The following ATP8A2 variants were observed in gnomAD, a reference collection of about 807,000 sequenced individuals.
ATP8A2 encodes the protein phospholipid-transporting ATPase IB.
ATP8A2 carries 100 observed loss-of-function variants against 165.6 expected under a neutral mutation model. That is an observed-to-expected ratio of 0.60 (90% CI 0.51 to 0.71). The LOEUF (loss-of-function observed/expected upper bound fraction) is 0.71. Ranked by LOEUF, ATP8A2 falls within the 30% of genes least tolerant of loss-of-function variation. The pLI is 0.00. For missense variants in ATP8A2, 1,227 were observed against 1,479.5 expected (o/e 0.83, Z 2.80); for synonymous variants, 543 against 548.8 (o/e 0.99, Z 0.15).
intron 25 of ATP8A2, among the ~76,000 whole-genome samples, chr13:25,703,199 C>T (rs1429466208): frequency 6.6e-6 from 1 of 152,084 alleles, no homozygotes; most frequent in Non-Finnish European, 1.5e-5. Flanking sequence ...CCTGCCTCGG[C>T]CTCCCAAATA....
At chr13:25,522,536 T>C (rs539363355) in intron 2 of ATP8A2, among the ~76,000 whole-genome samples, 4 of 152,336 alleles carry the variant, frequency 2.6e-5, no homozygotes, top group Non-Finnish European at 4.4e-5. Flanking sequence ...ATGATGTTGA[T>C]TGTGGGTTTC....
chr13:25,727,313 G>A (rs1424433598), intron 25 of ATP8A2, among the ~76,000 whole-genome samples: 1 of 152,112 alleles, frequency 6.6e-6, no homozygotes, highest in African/African-American at 2.4e-5. Flanking sequence ...GAGTTTTTTG[G>A]GGTTGTTTGG....
In ATP8A2 at chr13:25,868,057, G is replaced by A. The variant is rs146270754; in HGVS notation, c.3183+5649G>A. ...AGTGAGAATTTCCTGTGTGCTGCCCGGCCTTGTGGGTAGCCCCGGCCAAGG... is the reference window on the plus strand; with the variant it reads ...AGTGAGAATTTCCTGTGTGCTGCCCAGCCTTGTGGGTAGCCCCGGCCAAGG... On this transcript the variant is annotated intron_variant, in intron 33 of 36. Transcript: ENST00000381655. 2.0e-3 allele frequency: 886 copies of A among 453,104 alleles called. 2 individuals carry two copies. Among genetic ancestry groups the A allele is most frequent in the Non-Finnish European group, 2.9e-3 (655 of 225,574 alleles). The allele number at this position is 453,104 out of a possible 1,614,324, so 28.1% of individuals were successfully genotyped here. A position where few individuals can be genotyped will look rare whatever the true frequency, so the allele number is the denominator to read the frequency against.
intron 35 of ATP8A2, among the ~76,000 whole-genome samples, chr13:25,973,803 C>T (rs144347753): frequency 0.011 from 1,601 of 152,322 alleles, 33 homozygotes; most frequent in South Asian, 0.061. Flanking sequence ...GCACCGGACT[C>T]CAACAATGAC....
chr13:25,943,667 G>A (rs1248541023), intron 33 of ATP8A2, among the ~76,000 whole-genome samples: 1 of 152,130 alleles, frequency 6.6e-6, no homozygotes, highest in African/African-American at 2.4e-5. Flanking sequence ...GTAACCTGTC[G>A]ATCTCTGCCT....
At chr13:25,402,518 C>T (rs1208350566) in intron 1 of ATP8A2, among the ~76,000 whole-genome samples, 1 of 152,178 alleles carries the variant, frequency 6.6e-6, no homozygotes, top group African/African-American at 2.4e-5. Context: ...GCACTGGCTC[C>T]TGGGTCAGCA....
At position 25,372,265 on chromosome 13, in the gene ATP8A2, G is replaced by A; in HGVS notation, c.53G>A (p.Arg18Lys). The A allele has an allele frequency of 2.0e-6, 3 of 1,478,764 alleles. No homozygotes were observed. The highest frequency in any genetic ancestry group is 2.4e-5 in the Admixed American group (1 of 41,932). 91.6% of individuals were successfully genotyped at this position (1,478,764 alleles called of 1,614,324 possible). Residue 18 changes from arginine to lysine, a missense_variant, in exon 1 of 37, where the codon AGG becomes AAG. By Grantham distance (26) the Arg-to-Lys change is conservative (BLOSUM62 2). Around this residue, in one of 5 missense-constraint regions of ATP8A2, gnomAD observed 356 missense variants for 394.9 expected, o/e 0.90. Coordinates refer to ENST00000381655, the MANE Select transcript of ATP8A2 (RefSeq NM_016529.6). This position sits in a 1 kb window ranked among gnomAD's most constrained non-coding sequence, Gnocchi z 4.8. ...DKALKMSLPRRSRIRSSVGPV... is the reference protein window; with the variant it reads ...DKALKMSLPRKSRIRSSVGPV... Reference sequence around the variant, plus strand: ...GCTCTTAAGATGTCCCTGCCGCGGAGGTCGAGGATCCGCTCGTCCGTGGGT... The same window carrying A: ...GCTCTTAAGATGTCCCTGCCGCGGAAGTCGAGGATCCGCTCGTCCGTGGGT...
chr13:25,723,192 G>T (rs894328173), intron 25 of ATP8A2, among the ~76,000 whole-genome samples: 11 of 152,200 alleles, frequency 7.2e-5, no homozygotes, highest in Admixed American at 7.2e-4. Context: ...CTTGGGAGTA[G>T]AATTGCTTAG....
intron 5 of ATP8A2, 51 bp downstream of exon 5, chr13:25,532,368 G>A: frequency 1.5e-6 from 2 of 1,344,880 alleles, no homozygotes; most frequent in Non-Finnish European, 2.1e-6. Flanking sequence ...TAAGAATAAG[G>A]CCTGCATTTA....
chr13:25,700,655 A>G (rs1299744547), intron 25 of ATP8A2, among the ~76,000 whole-genome samples: 1 of 152,158 alleles, frequency 6.6e-6, no homozygotes, highest in African/African-American at 2.4e-5. Flanking sequence ...GTGTAATGCT[A>G]CTGTGAAGAT....
At chr13:25,476,289 CTTT>C (rs139651201) in intron 2 of ATP8A2, among the ~76,000 whole-genome samples, 4 of 145,232 alleles carry the variant, frequency 2.8e-5, no homozygotes, top group African/African-American at 1.0e-4. Flanking sequence ...AGAATCATAA[CTTT>C]TTTTTTTTTT....
At chr13:25,968,455 C>A in intron 34 of ATP8A2, 120 bp from the exon 35 acceptor site, 1 of 796,692 alleles carries the variant, frequency 1.3e-6, no homozygotes, top group Non-Finnish European at 2.1e-6. Context: ...TCCACCACTT[C>A]CCGAGCCTCG....
At chr13:25,454,961 G>A (rs1045499796) in intron 1 of ATP8A2, among the ~76,000 whole-genome samples, 10 of 152,140 alleles carry the variant, frequency 6.6e-5, no homozygotes, top group African/African-American at 2.4e-4. Flanking sequence ...TTAACTACTT[G>A]TAGAATTTTA....
intron 27 of ATP8A2, among the ~76,000 whole-genome samples, chr13:25,798,584 G>A (rs1950545422): frequency 6.6e-6 from 1 of 152,124 alleles, no homozygotes. Context: ...TCCTTAATAA[G>A]AAAATAATTT....
chr13:25,799,006 A>C (rs781248822), intron 27 of ATP8A2, among the ~76,000 whole-genome samples: 7 of 152,060 alleles, frequency 4.6e-5, no homozygotes, highest in Non-Finnish European at 1.0e-4. Flanking sequence ...AAAAAAATTG[A>C]CAGAACAAAT....
chr13:25,915,576 G>A (rs1326100624), intron 33 of ATP8A2, among the ~76,000 whole-genome samples: 1 of 152,198 alleles, frequency 6.6e-6, no homozygotes, highest in African/African-American at 2.4e-5. Context: ...AGGCACAGGG[G>A]GAGAAGTCCT....
chr13:25,629,903 G>T (rs992986540), intron 24 of ATP8A2, among the ~76,000 whole-genome samples: 6 of 151,716 alleles, frequency 4.0e-5, no homozygotes, highest in Non-Finnish European at 8.8e-5. Context: ...ATATAATATT[G>T]CAGTTCATAT....
At chr13:25,882,513 G>C (rs1330295385) in intron 33 of ATP8A2, among the ~76,000 whole-genome samples, 1 of 152,160 alleles carries the variant, frequency 6.6e-6, no homozygotes, top group East Asian at 1.9e-4. Flanking sequence ...AGAGAAAATT[G>C]AATTATGTAG....
At chr13:25,526,851 G>A (rs931670448) in intron 2 of ATP8A2, among the ~76,000 whole-genome samples, 11 of 152,162 alleles carry the variant, frequency 7.2e-5, no homozygotes, top group Non-Finnish European at 1.3e-4. Flanking sequence ...AGTTGAGGTA[G>A]GAACAGGTAT....
Sources: allele counts gnomAD v4.1 joint callset (sites outside exome capture counted in the v4.1 genomes callset), GRCh38; gene constraint gnomAD v4.1.1; regional missense constraint gnomAD v4.1.1; non-coding constraint Gnocchi (gnomAD v3.1); transcripts MANE v1.5; gene names NCBI Gene and HGNC (gene_info 2026-07-23, HGNC 2026-07-21).